Variants in AUTS2 observed in about 807,000 individuals in gnomAD.
AUTS2 encodes autism susceptibility gene 2 protein.
Under a neutral mutation model 112.4 loss-of-function variants are expected in AUTS2, and 17 were observed. That is an observed-to-expected ratio of 0.15 (90% CI 0.10 to 0.23). The LOEUF is 0.23. Among genes scored for constraint, AUTS2 ranks in the 10% least tolerant of loss-of-function variants. AUTS2 has a pLI of 1.00. For missense variants in AUTS2, 1,510 were observed against 1,701.6 expected, an observed-to-expected ratio of 0.89 and a Z score of 1.98; for synonymous variants, 751 against 702.7, an observed-to-expected ratio of 1.07 and a Z score of -1.09.
intron 1 of AUTS2, among the ~76,000 whole-genome samples, chr7:69,859,670 G>A (rs1792888760): frequency 6.6e-6 from 1 of 152,222 alleles, no homozygotes. Context: ...TTATGAGCTA[G>A]TTGACTTCAA....
rs185387927 is a variant in AUTS2, at chr7:69,747,376, A to G, written c.309+147414A>G. On this transcript the variant is annotated intron_variant, in intron 1 of 18. Coordinates refer to ENST00000342771, the MANE Select transcript of AUTS2 (RefSeq NM_015570.4). ...GTATGACCTTGGATATGGCATATAC[A>G]GTGATTCCTCACACATGGTGTTAAT... 2.6e-5 allele frequency among the ~76,000 whole-genome samples: 4 copies of G among 152,350 alleles called. No homozygotes were observed. In the East Asian group the frequency reaches 7.7e-4, roughly 30 times the overall value.
intron 1 of AUTS2, among the ~76,000 whole-genome samples, chr7:69,857,974 G>GGGCA (rs1341715703): frequency 6.6e-6 from 1 of 152,186 alleles, no homozygotes; most frequent in African/African-American, 2.4e-5. Flanking sequence ...ATTGCCTTAT[G>GGGCA]GGCAGTCTGA....
intron 4 of AUTS2, among the ~76,000 whole-genome samples, chr7:70,421,240 A>G (rs950418299): frequency 1.3e-5 from 2 of 152,208 alleles, no homozygotes; most frequent in African/African-American, 4.8e-5. Context: ...TAAAACAAAA[A>G]AAGGTATTTA....
At chr7:70,284,002 G>A (rs905104329) in intron 4 of AUTS2, among the ~76,000 whole-genome samples, 2 of 152,008 alleles carry the variant, frequency 1.3e-5, no homozygotes, top group African/African-American at 4.8e-5. Flanking sequence ...TTCTTGGATG[G>A]TGTCTCTCAT....
intron 4 of AUTS2, among the ~76,000 whole-genome samples, chr7:70,251,721 A>G (rs1052929495): frequency 2.0e-5 from 3 of 152,010 alleles, no homozygotes; most frequent in African/African-American, 7.2e-5. Context: ...CTTCACCAGT[A>G]CCTAATCTAT....
chr7:69,738,813 A>G (rs922105259), intron 1 of AUTS2, among the ~76,000 whole-genome samples: 1 of 152,068 alleles, frequency 6.6e-6, no homozygotes, highest in African/African-American at 2.4e-5. Context: ...TTGTTGCCCT[A>G]GGTCCCTTGT....
At chr7:69,631,521 C>A (rs138885541) in intron 1 of AUTS2, among the ~76,000 whole-genome samples, 1 of 152,106 alleles carries the variant, frequency 6.6e-6, no homozygotes, top group Non-Finnish European at 1.5e-5. Context: ...TGGTGGTTAG[C>A]GTGATGGAGG....
chr7:69,830,483 A>G (rs1791451432), intron 1 of AUTS2, among the ~76,000 whole-genome samples: 1 of 152,210 alleles, frequency 6.6e-6, no homozygotes, highest in Non-Finnish European at 1.5e-5. Flanking sequence ...CTCAGATCCA[A>G]CTTTAATGGT....
intron 6 of AUTS2, among the ~76,000 whole-genome samples, chr7:70,730,758 G>T (rs545842962): frequency 6.6e-6 from 1 of 152,250 alleles, no homozygotes; most frequent in South Asian, 2.1e-4. Flanking sequence ...TTCATTTCAG[G>T]TATGTACCTA....
At chr7:70,568,255 G>A (rs1801787471) in intron 5 of AUTS2, among the ~76,000 whole-genome samples, 1 of 152,186 alleles carries the variant, frequency 6.6e-6, no homozygotes, top group South Asian at 2.1e-4. Context: ...GAGCCAGCCT[G>A]CCTGAATTTG....
At chr7:70,744,129 G>A (rs1425631321) in intron 6 of AUTS2, among the ~76,000 whole-genome samples, 8 of 152,256 alleles carry the variant, frequency 5.3e-5, no homozygotes, top group South Asian at 2.1e-4. Flanking sequence ...GTTTTTCCTC[G>A]GGGGATGTTT....
At chr7:70,153,534 A>G (rs902165429) in intron 4 of AUTS2, among the ~76,000 whole-genome samples, 2 of 152,294 alleles carry the variant, frequency 1.3e-5, no homozygotes, top group South Asian at 2.1e-4. Context: ...TTATAGGTCA[A>G]AATTTATCAA....
chr7:69,895,482 ATT>A (rs1473676174), intron 1 of AUTS2, among the ~76,000 whole-genome samples: 1 of 151,182 alleles, frequency 6.6e-6, no homozygotes, highest in African/African-American at 2.4e-5. Flanking sequence ...TAGACTCTTC[ATT>A]TCTTCTTACC....
At chr7:70,609,132 A>G (rs138927172) in intron 5 of AUTS2, among the ~76,000 whole-genome samples, 181 of 152,276 alleles carry the variant, frequency 1.2e-3, no homozygotes, top group African/African-American at 4.2e-3. Context: ...GTTATTATCT[A>G]TAGTCACCAT....
intron 2 of AUTS2, among the ~76,000 whole-genome samples, chr7:69,934,290 G>A (rs888426490): frequency 3.9e-5 from 6 of 152,182 alleles, no homozygotes; most frequent in African/African-American, 1.2e-4. Flanking sequence ...TTAGAGTGCA[G>A]TAGAAAGAGC....
intron 4 of AUTS2, among the ~76,000 whole-genome samples, chr7:70,339,084 C>T (rs944891343): frequency 3.3e-5 from 5 of 151,736 alleles, no homozygotes; most frequent in Admixed American, 2.6e-4. Flanking sequence ...AGGATGGTTT[C>T]GATCTCCTGA....
intron 4 of AUTS2, among the ~76,000 whole-genome samples, chr7:70,255,305 C>T (rs1057117716): frequency 2.6e-5 from 4 of 152,114 alleles, no homozygotes; most frequent in Middle Eastern, 3.4e-3. Flanking sequence ...AACTCCTGAC[C>T]TCGTTATCCG....
In AUTS2 at chr7:69,733,299, A is replaced by G. The variant is rs116741940; in HGVS notation, c.309+133337A>G. On this transcript the variant is annotated intron_variant, in intron 1 of 18. Transcript: ENST00000342771. ...AGAGCAGAGAGGGAACTGTTTTTAAACTATGTATATAGTCACTATGTGATT... is the reference window on the plus strand; with the variant it reads ...AGAGCAGAGAGGGAACTGTTTTTAAGCTATGTATATAGTCACTATGTGATT... Among the ~76,000 whole-genome samples, 536 of 152,284 alleles carry G rather than the reference A, an allele frequency of 3.5e-3. 3 individuals are homozygous for G. Among genetic ancestry groups the G allele is most frequent in the African/African-American group, 0.012 (494 of 41,560 alleles).
intron 2 of AUTS2, among the ~76,000 whole-genome samples, chr7:70,070,062 A>G (rs1481024658): frequency 6.6e-6 from 1 of 152,134 alleles, no homozygotes; most frequent in African/African-American, 2.4e-5. Context: ...CTTTGTTTCT[A>G]AAAGGGCACC....
Sources: allele counts gnomAD v4.1 joint callset (sites outside exome capture counted in the v4.1 genomes callset), GRCh38; gene constraint gnomAD v4.1.1; transcripts MANE v1.5; gene names NCBI Gene and HGNC (gene_info 2026-07-23, HGNC 2026-07-21).